Variants in STK10 observed in about 807,000 individuals in gnomAD.
The protein encoded by STK10 is serine/threonine-protein kinase 10.
Under a neutral mutation model 113.8 loss-of-function variants are expected in STK10, and 78 were observed. The observed-to-expected ratio is 0.69, with a 90% CI of 0.57 to 0.83. The LOEUF (loss-of-function observed/expected upper bound fraction) is 0.83. Among genes scored for constraint, STK10 ranks in the 40% least tolerant of loss-of-function variants. The pLI is 0.00. For missense variants in STK10, 1,109 were observed against 1,280.1 expected, an observed-to-expected ratio of 0.87 and a Z score of 2.04; for synonymous variants, 465 against 494.7, an observed-to-expected ratio of 0.94 and a Z score of 0.80.
chr5:172,098,973 C>G (rs1768917328), intron 7 of STK10, among the ~76,000 whole-genome samples: 1 of 151,928 alleles, frequency 6.6e-6, no homozygotes, highest in African/African-American at 2.4e-5. Context: ...CCACCATCAC[C>G]ACCATCATTA....
chr5:172,168,642 A>G (rs1459018355), intron 1 of STK10, among the ~76,000 whole-genome samples: 1 of 152,174 alleles, frequency 6.6e-6, no homozygotes, highest in African/African-American at 2.4e-5. Flanking sequence ...CAGGCCCATG[A>G]AGTACACAGA....
intron 14 of STK10, among the ~76,000 whole-genome samples, chr5:172,058,537 C>A (rs1174716549): frequency 6.6e-6 from 1 of 152,164 alleles, no homozygotes; most frequent in African/African-American, 2.4e-5. Context: ...AGGCTTGGAC[C>A]GTCAAAAGTC....
At chr5:172,155,150 G>A (rs1770321990) in intron 2 of STK10, among the ~76,000 whole-genome samples, 1 of 152,084 alleles carries the variant, frequency 6.6e-6, no homozygotes, top group Non-Finnish European at 1.5e-5. Context: ...ATCTCCTTTG[G>A]TTAATATCAA....
rs537082389 is a variant in STK10, at chr5:172,120,570, T to A, written c.371-2940A>T. On this transcript the variant is annotated intron_variant, in intron 3 of 18. Transcript: ENST00000176763. The surrounding 1 kb of genome is among the most constrained non-coding windows in gnomAD (Gnocchi z 4.0). Reference sequence around the variant, plus strand: ...ACCGAGGCCGTACCCAGGTGCTGCCTCTCACTAGCTGTGTGGTTACTGGCA... The same window carrying A: ...ACCGAGGCCGTACCCAGGTGCTGCCACTCACTAGCTGTGTGGTTACTGGCA... 3.9e-5 allele frequency among the ~76,000 whole-genome samples: 6 copies of A among 152,312 alleles called. 1 individual carries two copies. The East Asian group carries it at 1.2e-3, about 29-fold the overall frequency.
At chr5:172,167,347 T>C (rs908254206) in intron 1 of STK10, among the ~76,000 whole-genome samples, 3 of 152,148 alleles carry the variant, frequency 2.0e-5, no homozygotes, top group African/African-American at 7.2e-5. Flanking sequence ...GAAAAAATCC[T>C]TAAGCCATAA....
At chr5:172,181,130 C>A (rs1770847946) in intron 1 of STK10, among the ~76,000 whole-genome samples, 1 of 152,222 alleles carries the variant, frequency 6.6e-6, no homozygotes, top group Non-Finnish European at 1.5e-5. Context: ...ATTGCACACA[C>A]ACCTCCTTCC....
At chr5:172,121,370 G>A (rs1024892085) in intron 3 of STK10, among the ~76,000 whole-genome samples, 1 of 151,900 alleles carries the variant, frequency 6.6e-6, no homozygotes, top group South Asian at 2.1e-4. Context: ...TTTAGACAGG[G>A]TCCCACTCTG....
chr5:172,146,164 C>T (rs1186569713), intron 2 of STK10, among the ~76,000 whole-genome samples: 7 of 152,248 alleles, frequency 4.6e-5, no homozygotes, highest in Non-Finnish European at 1.0e-4. Flanking sequence ...TTCCAGAGGG[C>T]AGGCCTTCGT....
intron 7 of STK10, among the ~76,000 whole-genome samples, chr5:172,099,079 A>G (rs896717252): frequency 6.6e-6 from 1 of 151,882 alleles, no homozygotes; most frequent in African/African-American, 2.4e-5. Flanking sequence ...CATTATCAAC[A>G]TCATCATCAC....
chr5:172,089,826 T>C (rs888735882), intron 10 of STK10, among the ~76,000 whole-genome samples: 3 of 151,552 alleles, frequency 2.0e-5, no homozygotes, highest in Non-Finnish European at 4.4e-5. Flanking sequence ...AGTAGGTGGA[T>C]TGATGCGTGG....
At chr5:172,149,331 T>C (rs1208034993) in intron 2 of STK10, among the ~76,000 whole-genome samples, 2 of 152,166 alleles carry the variant, frequency 1.3e-5, no homozygotes, top group African/African-American at 2.4e-5. Context: ...GCCTCCTGAT[T>C]CACCCTCTAG....
rs1429487044 is a variant in STK10, at chr5:172,090,364, T to C, written c.1555-2A>G. 4.3e-6 allele frequency: 7 copies of C among 1,613,296 alleles called. No individual in the cohort carries two copies. In the South Asian group the frequency reaches 4.4e-5, roughly 10 times the overall value. ...GGTTTTTTTGTACAGTTTCGGGTCC[T>C]GGCCAGGGAAAACCATTAGACAAGT... is the stretch of plus-strand genomic sequence containing the variant. On this transcript the variant is annotated splice_acceptor_variant, in intron 9 of 18. Transcript: ENST00000176763. LOFTEE classifies it high-confidence loss of function.
In STK10 at chr5:172,086,402, G is replaced by A. The variant is rs192726936; in HGVS notation, c.1686-3318C>T. Among the ~76,000 whole-genome samples, 583 of 152,274 alleles carry A rather than the reference G, an allele frequency of 3.8e-3. 1 individual carries two copies. Among genetic ancestry groups the A allele is most frequent in the Non-Finnish European group, 6.6e-3 (446 of 68,026 alleles). ...GACTCAAGAGAAACTAAGGTTTAGA[G>A]AAGAACTGACAAAAAGCCTAAAAGG... On this transcript the variant is annotated intron_variant, in intron 10 of 18. Transcript: ENST00000176763.
chr5:172,179,027 C>T (rs1009505144), intron 1 of STK10, among the ~76,000 whole-genome samples: 2 of 152,188 alleles, frequency 1.3e-5, no homozygotes, highest in African/African-American at 4.8e-5. Context: ...GGTGAGGAAG[C>T]GCTGGTATGA....
rs1769493710 is a variant in STK10, at chr5:172,120,709, G to A, written c.371-3079C>T. On this transcript the variant is annotated intron_variant, in intron 3 of 18. Transcript: ENST00000176763. This position sits in a 1 kb window ranked among gnomAD's most constrained non-coding sequence, Gnocchi z 4.0. ...TGTTCAGTTCTCAGTGTGGAAAATA[G>A]GCAATAAAGGGGGATTATTGCTATG... Among the ~76,000 whole-genome samples, 2 of 152,190 alleles carry A rather than the reference G, an allele frequency of 1.3e-5. No individual in the cohort carries two copies. The highest frequency in any genetic ancestry group is 4.1e-4 in the South Asian group (2 of 4,826).
At chr5:172,163,977 C>T (rs767617045) in intron 1 of STK10, among the ~76,000 whole-genome samples, 1 of 151,986 alleles carries the variant, frequency 6.6e-6, no homozygotes, top group African/African-American at 2.4e-5. Flanking sequence ...TTTGGGAAGC[C>T]TAGGCAGGTG....
intron 14 of STK10, among the ~76,000 whole-genome samples, chr5:172,060,926 G>C (rs1767917360): frequency 6.6e-6 from 1 of 152,132 alleles, no homozygotes; most frequent in South Asian, 2.1e-4. Context: ...TTGACTTCTG[G>C]AATAATCTCA....
At chr5:172,089,865 G>C (rs541280444) in intron 10 of STK10, among the ~76,000 whole-genome samples, 141 of 151,844 alleles carry the variant, frequency 9.3e-4, no homozygotes, top group South Asian at 8.9e-3. Flanking sequence ...GGATGATTAA[G>C]TAGATAGGTA....
chr5:172,112,145 T>C (rs567067568), intron 4 of STK10, among the ~76,000 whole-genome samples: 3 of 152,324 alleles, frequency 2.0e-5, no homozygotes, highest in East Asian at 1.9e-4. Context: ...TGGAAGTGTA[T>C]CTCTAATACA....
Sources: gnomAD v4.1 joint callset for allele counts (sites outside exome capture counted in the v4.1 genomes callset) on GRCh38, gnomAD v4.1.1 for gene constraint, Gnocchi (gnomAD v3.1) non-coding constraint, MANE v1.5 for transcripts, NCBI Gene and HGNC (gene_info 2026-07-23, HGNC 2026-07-21) for gene names.